The following CORO7 variants were observed in gnomAD, a reference collection of about 807,000 sequenced individuals.
CORO7 encodes the protein coronin 7, also known as coronin-7.
CORO7 carries 107 observed loss-of-function variants against 126.6 expected under a neutral mutation model. The observed-to-expected ratio is 0.85, with a 90% confidence interval of 0.72 to 0.99. The LOEUF (loss-of-function observed/expected upper bound fraction) is 0.99, where lower values mean the gene tolerates loss of function less well. Among genes scored for constraint, CORO7 ranks in the 50% least tolerant of loss-of-function variants. The pLI is 0.00. For synonymous variants in CORO7, 603 were observed against 536.8 expected, an observed-to-expected ratio of 1.12 and a Z score of -1.70; for missense variants, 1,314 against 1,255.8, an observed-to-expected ratio of 1.05 and a Z score of -0.70.
At chr16:4,411,173 C>A (rs550986203) in intron 3 of CORO7, among the ~76,000 whole-genome samples, 1 of 152,118 alleles carries the variant, frequency 6.6e-6, no homozygotes, top group Non-Finnish European at 1.5e-5. Flanking sequence ...GAGGATAGCT[C>A]GAGGCCAGGA....
intron 7 of CORO7, 71 bp from the exon 8 acceptor site, chr16:4,388,702 T>G: frequency 6.6e-7 from 1 of 1,505,892 alleles, no homozygotes; most frequent in Non-Finnish European, 9.0e-7. Context: ...GGAATGGGCC[T>G]GAGCTGGGGA....
chr16:4,403,264 C>T (rs777371219), intron 6 of CORO7, among the ~76,000 whole-genome samples: 23 of 152,176 alleles, frequency 1.5e-4, no homozygotes, highest in Non-Finnish European at 2.6e-4. Context: ...ACAGTCAGGC[C>T]GCCCCCCACT....
At chr16:4,381,049 T>C in intron 9 of CORO7, 1 of 1,610,746 alleles carries the variant, frequency 6.2e-7, no homozygotes, top group African/African-American at 1.3e-5. Context: ...GGTGGGGCTG[T>C]ACGTCTTTGA....
intron 9 of CORO7, among the ~76,000 whole-genome samples, chr16:4,373,951 T>C (rs889634114): frequency 7.2e-5 from 11 of 152,162 alleles, no homozygotes; most frequent in Admixed American, 2.0e-4. Context: ...TAGTGACCTC[T>C]CCTGGACCCC....
intron 9 of CORO7, among the ~76,000 whole-genome samples, chr16:4,369,070 C>T (rs962184892): frequency 2.0e-5 from 3 of 152,258 alleles, no homozygotes; most frequent in South Asian, 2.1e-4. Context: ...CCCTCACCCC[C>T]GTTCCATCGT....
rs774317442 is a variant in CORO7 at position 4,381,517 on chromosome 16, C to T, written c.785+6469G>A. The T allele has an allele frequency of 1.0e-5, 16 of 1,598,764 alleles. No individual in the cohort carries two copies. Among genetic ancestry groups the T allele is most frequent in the African/African-American group, 2.7e-5 (2 of 74,586 alleles). ...GCAGCTGGACGAGGGGCTCTTCAGC[C>T]GCTTGCGCAACCTCCACGACCTGGA... is the stretch of plus-strand genomic sequence containing the variant. On this transcript the variant is annotated intron_variant, in intron 9 of 27. Transcript: ENST00000251166.
At chr16:4,366,014 C>T (rs891365389) in intron 9 of CORO7, among the ~76,000 whole-genome samples, 20 of 152,322 alleles carry the variant, frequency 1.3e-4, no homozygotes, top group African/African-American at 3.4e-4. Context: ...CCTGCCGTTC[C>T]GAATCTGCAC....
intron 9 of CORO7, chr16:4,382,788 A>C: frequency 6.3e-7 from 1 of 1,584,164 alleles, no homozygotes; most frequent in Non-Finnish European, 8.6e-7. Flanking sequence ...GCCCGAAGGC[A>C]ACAGAGGGCG....
chr16:4,403,774 G>A (rs552999605), intron 6 of CORO7, among the ~76,000 whole-genome samples: 1 of 152,316 alleles, frequency 6.6e-6, no homozygotes, highest in Non-Finnish European at 1.5e-5. Flanking sequence ...TGACAGAGGG[G>A]CAGAGACAGT....
chr16:4,367,231 C>T (rs1161636602), intron 9 of CORO7, among the ~76,000 whole-genome samples: 5 of 152,214 alleles, frequency 3.3e-5, no homozygotes, highest in Middle Eastern at 3.2e-3. Context: ...CTTTGCATCC[C>T]GGCCTGACCA....
At chr16:4,372,607 G>A (rs1335950308) in intron 9 of CORO7, among the ~76,000 whole-genome samples, 1 of 152,204 alleles carries the variant, frequency 6.6e-6, no homozygotes, top group East Asian at 1.9e-4. Flanking sequence ...CTCTGCCAGG[G>A]AAGGGGCTTT....
chr16:4,398,641 G>A (rs2055688863), intron 6 of CORO7, among the ~76,000 whole-genome samples: 1 of 148,606 alleles, frequency 6.7e-6, no homozygotes, highest in South Asian at 2.2e-4. Flanking sequence ...ACTCCAGCCT[G>A]GGCAACAGAG....
intron 23 of CORO7, 114 bp from the exon 24 acceptor site, chr16:4,358,597 T>A (rs2054059394): frequency 1.1e-6 from 1 of 927,574 alleles, no homozygotes; most frequent in Non-Finnish European, 1.6e-6. Flanking sequence ...CTAGGGCCTG[T>A]CCCTGGACAG....
At chr16:4,384,731 G>T (rs944108841) in intron 9 of CORO7, among the ~76,000 whole-genome samples, 5 of 152,200 alleles carry the variant, frequency 3.3e-5, no homozygotes, top group Non-Finnish European at 7.3e-5. Flanking sequence ...GCAGTGGGTG[G>T]TGGCAGTGGG....
chr16:4,359,300 T>A lies in CORO7; in HGVS notation c.2336A>T (p.His779Leu). Reference protein sequence around the residue: ...ECNSFTSPDPHKGLVLLPKTE... With the variant: ...ECNSFTSPDPLKGLVLLPKTE... ...GAGGCGCCAGGGTGGCCTCACCTTG[T>A]GGGGGTCAGGCGACGTGAAGCTGTT... Residue 779 changes from histidine (H) to leucine (L), a missense_variant, in exon 23 of 28, where the codon CAC becomes CTC. Coordinates refer to ENST00000251166, the MANE Select transcript of CORO7 (RefSeq NM_024535.5). 1.2e-6 allele frequency: 2 copies of A among 1,604,632 alleles called. No homozygotes were observed. The highest frequency in any genetic ancestry group is 3.4e-5 in the Admixed American group (2 of 58,310).
chr16:4,413,023 G>A (rs1247649101), intron 2 of CORO7: 2 of 369,020 alleles, frequency 5.4e-6, no homozygotes, highest in Admixed American at 4.3e-5. Context: ...AGGGAGCACA[G>A]AGGGACAGCT....
At chr16:4,385,847 G>C (rs191905603) in intron 9 of CORO7, among the ~76,000 whole-genome samples, 6 of 152,240 alleles carry the variant, frequency 3.9e-5, no homozygotes, top group African/African-American at 1.4e-4. Context: ...GCTCTCATAA[G>C]GGCACACACT....
intron 21 of CORO7, 47 bp from the exon 22 acceptor site, chr16:4,359,668 G>A (rs1046513423): frequency 3.9e-6 from 6 of 1,546,346 alleles, no homozygotes; most frequent in South Asian, 2.5e-5. Context: ...GAGCTGAAGG[G>A]GCCTGGGGCA....
intron 1 of CORO7, 80 bp downstream of exon 1, chr16:4,416,379 C>A (rs1228557943): frequency 5.5e-6 from 8 of 1,451,668 alleles, no homozygotes; most frequent in Non-Finnish European, 6.3e-6. Context: ...CTGGAGGGCA[C>A]CCCTGTGGGG....
Sources: gnomAD v4.1 joint callset for allele counts (sites outside exome capture counted in the v4.1 genomes callset) on GRCh38, gnomAD v4.1.1 for gene constraint, MANE v1.5 for transcripts, NCBI Gene and HGNC (gene_info 2026-07-23, HGNC 2026-07-21) for gene names.